Variants in KIFAP3 observed in about 807,000 individuals in gnomAD.
KIFAP3 encodes kinesin associated protein 3, also known as kinesin-associated protein 3.
KIFAP3 carries 68 observed loss-of-function variants against 106.5 expected under a neutral mutation model. The ratio of observed to expected loss-of-function variants is 0.64; its 90% CI spans 0.53 to 0.78. The LOEUF (loss-of-function observed/expected upper bound fraction) is 0.78, where lower values mean the gene tolerates loss of function less well. KIFAP3 is among the 30% of genes least tolerant of loss of function. KIFAP3 has a pLI of 0.00. For synonymous variants in KIFAP3, 320 were observed against 311.5 expected, an observed-to-expected ratio of 1.03 and a Z score of -0.29; for missense variants, 780 against 941.8, an observed-to-expected ratio of 0.83 and a Z score of 2.25.
chr1:170,084,993 A>C (rs1161116619), intron 1 of KIFAP3: 3 of 152,220 alleles, frequency 2.0e-5, no homozygotes, highest in African/African-American at 7.2e-5. Flanking sequence ...TATACATTTC[A>C]ATCCTGATTT....
intron 17 of KIFAP3, among the ~76,000 whole-genome samples, chr1:169,968,669 T>C (rs1202005691): frequency 6.6e-6 from 1 of 151,972 alleles, no homozygotes; most frequent in Non-Finnish European, 1.5e-5. Context: ...AGTTGATTTT[T>C]ATGCACATAC....
intron 19 of KIFAP3, among the ~76,000 whole-genome samples, chr1:169,930,911 CTTCTTTTT>C (rs1178749982): frequency 9.2e-5 from 10 of 109,238 alleles, no homozygotes; most frequent in African/African-American, 1.8e-4. Context: ...TTTATTATTA[CTTCTTTTT>C]TTTTTTTTTT....
At chr1:169,956,956 G>A (rs1435731005) in intron 18 of KIFAP3, among the ~76,000 whole-genome samples, 1 of 152,092 alleles carries the variant, frequency 6.6e-6, no homozygotes, top group Admixed American at 6.5e-5. Flanking sequence ...CTTCTACAGT[G>A]CCCTTTATGG....
chr1:170,037,706 G>A, intron 5 of KIFAP3, among the ~76,000 whole-genome samples: 1 of 152,152 alleles, frequency 6.6e-6, no homozygotes, highest in East Asian at 1.9e-4. Flanking sequence ...GTGAGCCAAA[G>A]GTTGCAGTGA....
chr1:169,990,511 T>G (rs1364015769), intron 11 of KIFAP3, among the ~76,000 whole-genome samples: 5 of 152,166 alleles, frequency 3.3e-5, no homozygotes, highest in African/African-American at 1.2e-4. Context: ...ATATCATACA[T>G]CCTACAATTT....
upstream of KIFAP3, among the ~76,000 whole-genome samples, chr1:170,077,829 G>A (rs1486221950): frequency 6.6e-6 from 1 of 150,960 alleles, no homozygotes; most frequent in African/African-American, 2.4e-5. Flanking sequence ...TTTGAATCTG[G>A]TTTCTTTCAT....
At chr1:169,949,253 G>A (rs1664607637) in intron 19 of KIFAP3, among the ~76,000 whole-genome samples, 1 of 151,868 alleles carries the variant, frequency 6.6e-6, no homozygotes, top group African/African-American at 2.4e-5. Flanking sequence ...AAAGAGGCAG[G>A]CTATAACACA....
At chr1:169,972,891 T>C (rs1665991990) in intron 16 of KIFAP3, among the ~76,000 whole-genome samples, 1 of 151,324 alleles carries the variant, frequency 6.6e-6, no homozygotes, top group Non-Finnish European at 1.5e-5. Flanking sequence ...ATGAGGATCA[T>C]GAACATAAAT....
At chr1:170,072,086 C>T (rs962195994) in intron 1 of KIFAP3, among the ~76,000 whole-genome samples, 1 of 152,170 alleles carries the variant, frequency 6.6e-6, no homozygotes, top group African/African-American at 2.4e-5. Context: ...ATGACTTTTA[C>T]ACAGTAGAAT....
intron 12 of KIFAP3, 24 bp downstream of exon 12, chr1:169,984,558 T>C (rs753198998): frequency 2.4e-5 from 29 of 1,203,548 alleles, no homozygotes; most frequent in South Asian, 1.5e-4. Context: ...GCTAAAAAAG[T>C]TACCTACACT....
intron 4 of KIFAP3, among the ~76,000 whole-genome samples, chr1:170,038,867 G>A (rs1170158607): frequency 2.6e-5 from 4 of 152,044 alleles, no homozygotes; most frequent in East Asian, 3.9e-4. Context: ...GGCAGATCAC[G>A]AGGTCAGGAG....
At chr1:170,083,816 G>A (rs1672056747) in intron 1 of KIFAP3, among the ~76,000 whole-genome samples, 1 of 151,956 alleles carries the variant, frequency 6.6e-6, no homozygotes, top group South Asian at 2.1e-4. Context: ...AAAAATTGGG[G>A]GAAATACCCA....
intron 19 of KIFAP3, among the ~76,000 whole-genome samples, chr1:169,927,559 C>A (rs1261650721): frequency 6.6e-6 from 1 of 152,056 alleles, no homozygotes; most frequent in Admixed American, 6.6e-5. Context: ...AAATAAACAC[C>A]ATGGAGGGCA....
At chr1:170,069,575 T>A (rs61825358) in intron 1 of KIFAP3, among the ~76,000 whole-genome samples, 16,005 of 152,142 alleles carry the variant, frequency 0.11, 1,000 homozygotes, top group East Asian at 0.19. Flanking sequence ...CATGATTATC[T>A]CAATCGATGC....
chr1:170,055,461 T>A, intron 1 of KIFAP3, 25 bp from the exon 2 acceptor site: 1 of 1,530,156 alleles, frequency 6.5e-7, no homozygotes, highest in Non-Finnish European at 8.8e-7. Flanking sequence ...TGAAATGATA[T>A]AACCAGATTA....
chr1:170,040,098 C>T (rs982997246), intron 3 of KIFAP3, among the ~76,000 whole-genome samples: 1 of 152,024 alleles, frequency 6.6e-6, no homozygotes, highest in African/African-American at 2.4e-5. Context: ...GGACAGCACC[C>T]ATTCTGTATA....
intron 1 of KIFAP3, among the ~76,000 whole-genome samples, chr1:170,070,663 T>A (rs565209456): frequency 6.6e-6 from 1 of 151,998 alleles, no homozygotes; most frequent in African/African-American, 2.4e-5. Context: ...AGACAATAAC[T>A]AACTCGAGAT....
intron 19 of KIFAP3, among the ~76,000 whole-genome samples, chr1:169,936,887 AT>A (rs1269071849): frequency 6.6e-6 from 1 of 150,942 alleles, no homozygotes; most frequent in Non-Finnish European, 1.5e-5. Flanking sequence ...ATAGACAAAT[AT>A]TATTTATTCT....
chr1:170,020,467 T>C (rs1668751359), intron 9 of KIFAP3, among the ~76,000 whole-genome samples: 1 of 152,194 alleles, frequency 6.6e-6, no homozygotes, highest in African/African-American at 2.4e-5. Context: ...TCTTTTTTAT[T>C]TTTTTGAGAC....
Sources: allele counts gnomAD v4.1 joint callset (sites outside exome capture counted in the v4.1 genomes callset), GRCh38; gene constraint gnomAD v4.1.1; transcripts MANE v1.5; gene names NCBI Gene and HGNC (gene_info 2026-07-23, HGNC 2026-07-21).